The following TMC2 variants were observed in gnomAD, a reference collection of about 807,000 sequenced individuals.
The protein encoded by TMC2 is transmembrane channel like 2.
Under a neutral mutation model 105.9 loss-of-function variants are expected in TMC2, and 102 were observed. The observed-to-expected ratio is 0.96, with a 90% CI of 0.82 to 1.14. The LOEUF is 1.14. Ranked by LOEUF, TMC2 falls within the 50% of genes most tolerant of loss-of-function variation. The probability of loss-of-function intolerance (pLI) is 0.00; values close to 1 mark genes in which losing one functional copy is unlikely to be tolerated. For synonymous variants in TMC2, 402 were observed against 422.8 expected (o/e 0.95, Z 0.60); for missense variants, 1,093 against 1,134.3 (o/e 0.96, Z 0.52).
At chr20:2,550,120 A>G (rs1019981210) in intron 2 of TMC2, among the ~76,000 whole-genome samples, 5 of 151,294 alleles carry the variant, frequency 3.3e-5, no homozygotes, top group Admixed American at 1.3e-4. Flanking sequence ...GAAGCGGAGG[A>G]TGCAGTGAGC....
intron 16 of TMC2, among the ~76,000 whole-genome samples, chr20:2,622,287 T>C (rs1227673138): frequency 1.3e-5 from 2 of 152,240 alleles, no homozygotes; most frequent in African/African-American, 4.8e-5. Flanking sequence ...CTTCAATTTT[T>C]ACATGTCACA....
intron 9 of TMC2, among the ~76,000 whole-genome samples, chr20:2,596,633 CAAA>C (rs57798234): frequency 9.0e-5 from 9 of 100,398 alleles, no homozygotes; most frequent in Non-Finnish European, 1.0e-4. Flanking sequence ...ACTCTGTTAC[CAAA>C]AAAAAAAAAA....
intron 4 of TMC2, among the ~76,000 whole-genome samples, chr20:2,570,109 C>G (rs2086092785): frequency 6.6e-6 from 1 of 152,092 alleles, no homozygotes; most frequent in African/African-American, 2.4e-5. Flanking sequence ...TCCTATTCAA[C>G]ATAGTACTGG....
At chr20:2,629,529 TAA>T (rs56821075) in intron 17 of TMC2, among the ~76,000 whole-genome samples, 10 of 116,052 alleles carry the variant, frequency 8.6e-5, no homozygotes, top group Admixed American at 1.9e-4. Context: ...CTTACAGAAG[TAA>T]AAAAAAAAAA....
rs2085855957 is a variant in TMC2 at position 2,537,250 on chromosome 20, G to A, written c.35-19G>A. 4 of 1,594,918 alleles carry A rather than the reference G, an allele frequency of 2.5e-6. No individual in the cohort carries two copies. The highest frequency in any genetic ancestry group is 1.1e-5 in the South Asian group (1 of 87,800). The stretch of plus-strand genomic sequence containing the variant: ...CTCACCAGAGGCCAGCCATTTGTCA[G>A]CAATCCTGTCTCTTACAGCACGAGG... On this transcript the variant is annotated intron_variant, in intron 1 of 19. Coordinates refer to ENST00000358864, the MANE Select transcript of TMC2 (RefSeq NM_080751.3).
intron 17 of TMC2, among the ~76,000 whole-genome samples, 191 bp from the exon 18 acceptor site, chr20:2,635,735 G>A (rs977212930): frequency 4.6e-5 from 7 of 152,160 alleles, no homozygotes; most frequent in South Asian, 2.1e-4. Flanking sequence ...TTATGCCCAC[G>A]CATAATAAAA....
intron 4 of TMC2, among the ~76,000 whole-genome samples, chr20:2,566,315 GT>G (rs1294345371): frequency 4.6e-5 from 7 of 152,180 alleles, no homozygotes; most frequent in African/African-American, 7.2e-5. Flanking sequence ...AGCGATTACT[GT>G]TATTATTAAA....
chr20:2,568,060 G>A (rs2086076906), intron 4 of TMC2, among the ~76,000 whole-genome samples: 1 of 152,124 alleles, frequency 6.6e-6, no homozygotes, highest in Non-Finnish European at 1.5e-5. Context: ...AGGAGAAAAA[G>A]GATGAGACTG....
intron 4 of TMC2, among the ~76,000 whole-genome samples, chr20:2,562,686 C>T (rs961675844): frequency 5.3e-5 from 8 of 152,212 alleles, no homozygotes; most frequent in Non-Finnish European, 1.0e-4. Flanking sequence ...AGACTCACAC[C>T]TGTAATCCCA....
At position 2,579,238 on chromosome 20, in the gene TMC2, T is replaced by C. The variant is rs970976895; in HGVS notation, c.727+11T>C. On this transcript the variant is annotated intron_variant, in intron 6 of 19. Coordinates refer to ENST00000358864, the MANE Select transcript of TMC2 (RefSeq NM_080751.3). ...TCAAGGACATTGAAAGTGAGTATGC[T>C]GGTGTCACTGTTTTTTTAATTGGTT... 1.3e-6 allele frequency: 2 copies of C among 1,529,432 alleles called. No homozygotes were observed. The highest frequency in any genetic ancestry group is 2.7e-5 in the African/African-American group (2 of 73,136). The allele number at this position is 1,529,432 out of a possible 1,614,324, so 94.7% of individuals were successfully genotyped here.
At chr20:2,582,538 CA>C (rs2086201076) in intron 7 of TMC2, among the ~76,000 whole-genome samples, 1 of 152,132 alleles carries the variant, frequency 6.6e-6, no homozygotes, top group Non-Finnish European at 1.5e-5. Context: ...TGCAGTGGCA[CA>C]GTCTTGGCTC....
At chr20:2,572,570 C>T (rs540884236) in intron 5 of TMC2, among the ~76,000 whole-genome samples, 1 of 152,268 alleles carries the variant, frequency 6.6e-6, no homozygotes, top group East Asian at 1.9e-4. Context: ...AACCCCAAAT[C>T]AGGACAGGTT....
Position 2,558,698 on chromosome 20 carries a change from G to A in TMC2, c.325G>A (p.Glu109Lys), listed in dbSNP as rs775783493. ...GCGCGACGAGAGGGCCTCCTTCCAG[G>A]AGCGGACAGCAGCCCCAAAGAGGGA... ...RKRDERASFQ[E>K]RTAAPKREKE... The change falls in exon 3 of 20, where the codon GAG becomes AAG. Residue 109 changes from glutamate to lysine, a missense_variant. Coordinates refer to ENST00000358864, the MANE Select transcript of TMC2 (RefSeq NM_080751.3). This position sits in a 1 kb window ranked among gnomAD's most constrained non-coding sequence, Gnocchi z 4.6. The A allele has an allele frequency of 6.9e-6, 11 of 1,605,174 alleles. No homozygotes were observed. The South Asian group carries it at 1.1e-4, about 16-fold the overall frequency.
intron 7 of TMC2, among the ~76,000 whole-genome samples, chr20:2,588,012 TC>T (rs59961414): frequency 0.043 from 6,174 of 144,322 alleles, 392 homozygotes; most frequent in African/African-American, 0.14. Flanking sequence ...TCTTGTATAA[TC>T]CCCCCCCCCT....
intron 4 of TMC2, among the ~76,000 whole-genome samples, chr20:2,567,133 C>T (rs2086069786): frequency 6.6e-6 from 1 of 152,222 alleles, no homozygotes; most frequent in Non-Finnish European, 1.5e-5. Context: ...GTAATGATCC[C>T]TCCTTTTCCC....
At chr20:2,587,043 TC>T (rs902237915) in intron 7 of TMC2, among the ~76,000 whole-genome samples, 3 of 152,194 alleles carry the variant, frequency 2.0e-5, no homozygotes, top group African/African-American at 7.2e-5. Flanking sequence ...TGATACTTTT[TC>T]ATCACTTGGG....
intron 2 of TMC2, among the ~76,000 whole-genome samples, chr20:2,540,985 A>G (rs972203453): frequency 1.3e-5 from 2 of 151,930 alleles, no homozygotes; most frequent in Admixed American, 1.3e-4. Flanking sequence ...TCTGCCTTGG[A>G]CGCCTATGCC....
At chr20:2,552,688 G>A (rs941182058) in intron 2 of TMC2, among the ~76,000 whole-genome samples, 16 of 152,012 alleles carry the variant, frequency 1.1e-4, no homozygotes, top group Admixed American at 1.3e-4. Context: ...GCTAATTTTT[G>A]TATTTTTAGT....
Position 2,642,952 on chromosome 20 carries a change from C to T in TMC2, c.*1601C>T, listed in dbSNP as rs144326004. On this transcript the variant is annotated 3_prime_UTR_variant, in exon 20 of 20. Transcript: ENST00000358864. ...GTCAGGCAAAGCCCTGGCAGAGAGA[C>T]GAAGATTTTTACAGCAATTTCATAA... 6.6e-6 allele frequency among the ~76,000 whole-genome samples: 1 copy of T among 152,184 alleles called. No homozygotes were observed. Among genetic ancestry groups the T allele is most frequent in the African/African-American group, 2.4e-5 (1 of 41,516 alleles).
Sources: allele counts gnomAD v4.1 joint callset (sites outside exome capture counted in the v4.1 genomes callset), GRCh38; gene constraint gnomAD v4.1.1; non-coding constraint Gnocchi (gnomAD v3.1); transcripts MANE v1.5; gene names NCBI Gene and HGNC (gene_info 2026-07-23, HGNC 2026-07-21).